Variants in PGM5 observed in about 807,000 individuals in gnomAD.
The protein encoded by PGM5 is phosphoglucomutase 5, also known as phosphoglucomutase-like protein 5.
In PGM5, 23 loss-of-function variants were observed where a neutral mutation model predicts 59.2. The ratio of observed to expected loss-of-function variants is 0.39; its 90% CI spans 0.28 to 0.55. The LOEUF is 0.55. PGM5 is among the 20% of genes least tolerant of loss of function. PGM5 has a pLI of 0.66. For synonymous variants in PGM5, 214 were observed against 286.0 expected (o/e 0.75, Z 2.54); for missense variants, 574 against 748.3 (o/e 0.77, Z 2.72).
chr9:68,374,108 C>T (rs1215380577), intron 1 of PGM5, among the ~76,000 whole-genome samples: 2 of 152,294 alleles, frequency 1.3e-5, no homozygotes, highest in East Asian at 1.9e-4. Context: ...TATGGAAGGG[C>T]TTCCTAAGTT....
chr9:68,486,580 G>A (rs1824300097), intron 9 of PGM5, among the ~76,000 whole-genome samples: 1 of 152,098 alleles, frequency 6.6e-6, no homozygotes, highest in Non-Finnish European at 1.5e-5. Flanking sequence ...AATATTTTCA[G>A]GGTTCATCCA....
At chr9:68,488,079 TA>T (rs35049054) in intron 9 of PGM5, among the ~76,000 whole-genome samples, 1 of 152,158 alleles carries the variant, frequency 6.6e-6, no homozygotes, top group Admixed American at 6.6e-5. Context: ...ATTTATGTTT[TA>T]AAAAAAGCAT....
chr9:68,405,218 G>A (rs1264429012), intron 6 of PGM5: 2 of 152,248 alleles, frequency 1.3e-5, no homozygotes, highest in East Asian at 3.8e-4. Context: ...AGATGGGATA[G>A]ACTGACAGTC....
intron 10 of PGM5, among the ~76,000 whole-genome samples, chr9:68,521,931 G>A (rs534907327): frequency 6.6e-6 from 1 of 152,158 alleles, no homozygotes; most frequent in East Asian, 1.9e-4. Flanking sequence ...ATCCACACAG[G>A]GCATGGAGCC....
chr9:68,466,155 G>C (rs1554685793), intron 7 of PGM5: 1 of 1,297,870 alleles, frequency 7.7e-7, no homozygotes, highest in East Asian at 5.6e-5. Flanking sequence ...TTCTTCTTGT[G>C]TTTCAGTTTA....
At chr9:68,407,534 C>A (rs1215954322) in intron 6 of PGM5, among the ~76,000 whole-genome samples, 1 of 152,080 alleles carries the variant, frequency 6.6e-6, no homozygotes, top group African/African-American at 2.4e-5. Context: ...CATATAGGAC[C>A]CTAGAAGTCC....
intron 7 of PGM5, among the ~76,000 whole-genome samples, chr9:68,476,952 G>A (rs953229478): frequency 3.3e-5 from 5 of 152,182 alleles, no homozygotes; most frequent in African/African-American, 1.2e-4. Flanking sequence ...TAGAACAAAA[G>A]GGTATTTTTC....
chr9:68,511,538 T>G (rs1324872654), intron 10 of PGM5, among the ~76,000 whole-genome samples: 11 of 127,356 alleles, frequency 8.6e-5, no homozygotes, highest in African/African-American at 3.0e-4. Flanking sequence ...AATGTTATTG[T>G]TTTTGCCTTT....
At chr9:68,380,951 A>G (rs1822057082) in intron 2 of PGM5, among the ~76,000 whole-genome samples, 1 of 151,958 alleles carries the variant, frequency 6.6e-6, no homozygotes. Context: ...AAAACTTTCC[A>G]AAATAGAAAA....
intron 6 of PGM5, among the ~76,000 whole-genome samples, chr9:68,435,970 T>C (rs1459570252): frequency 6.6e-6 from 1 of 152,228 alleles, no homozygotes; most frequent in Non-Finnish European, 1.5e-5. Flanking sequence ...TAACATGCAT[T>C]GCACCTACCA....
intron 6 of PGM5, chr9:68,396,385 C>A (rs1213931227): frequency 6.6e-6 from 1 of 152,146 alleles, no homozygotes; most frequent in East Asian, 1.9e-4. Context: ...AGAATATTGT[C>A]CCCTGTGGGC....
chr9:68,449,222 G>T (rs749576146), intron 6 of PGM5, among the ~76,000 whole-genome samples: 1 of 152,082 alleles, frequency 6.6e-6, no homozygotes, highest in Non-Finnish European at 1.5e-5. Context: ...TATCACGTTG[G>T]GGGTTAAGAT....
At chr9:68,515,704 G>A (rs1042055054) in intron 10 of PGM5, among the ~76,000 whole-genome samples, 3 of 152,174 alleles carry the variant, frequency 2.0e-5, no homozygotes, top group Non-Finnish European at 4.4e-5. Context: ...CTCACTCCAA[G>A]AGCTGGGAAC....
At chr9:68,486,889 C>A (rs1824305052) in intron 9 of PGM5, among the ~76,000 whole-genome samples, 1 of 152,302 alleles carries the variant, frequency 6.6e-6, no homozygotes, top group East Asian at 1.9e-4. Context: ...ACATTCCTGC[C>A]AACAGTATAT....
At chr9:68,527,960 T>C (rs544651945) in intron 10 of PGM5, among the ~76,000 whole-genome samples, 125 of 152,330 alleles carry the variant, frequency 8.2e-4, no homozygotes, top group African/African-American at 2.7e-3. Context: ...AGGATTCTTC[T>C]GTATCTACAT....
At chr9:68,392,211 G>C in intron 5 of PGM5, 108 bp from the exon 6 acceptor site, 1 of 1,455,650 alleles carries the variant, frequency 6.9e-7, no homozygotes, top group East Asian at 2.3e-5. Flanking sequence ...CATTCAAGTT[G>C]TTAGATTGTT....
intron 9 of PGM5, among the ~76,000 whole-genome samples, chr9:68,486,166 G>A (rs1455744699): frequency 3.9e-5 from 6 of 152,116 alleles, no homozygotes; most frequent in African/African-American, 1.4e-4. Flanking sequence ...TAACCATTAA[G>A]TACCTTGGTG....
chr9:68,383,926 C>A (rs572672951), intron 2 of PGM5, among the ~76,000 whole-genome samples: 2 of 151,832 alleles, frequency 1.3e-5, no homozygotes, highest in African/African-American at 4.8e-5. Context: ...AATTAACTTA[C>A]CCTGCTAAGC....
Position 68,483,893 on chromosome 9 carries a change from A to T in PGM5, c.1324A>T (p.Thr442Ser), listed in dbSNP as rs551806477. The T allele has an allele frequency of 3.7e-6, 6 of 1,614,112 alleles. No individual in the cohort carries two copies. In the Admixed American group the frequency reaches 5.0e-5, roughly 13 times the overall value. Reference protein sequence around the residue: ...RFDYEGLDPKTTYYIMRDLEA... With the variant: ...RFDYEGLDPKSTYYIMRDLEA... ...TGACTATGAGGGGTTGGATCCCAAGACGACATATTATATCATGAGGGACCT... is the reference window on the plus strand; with the variant it reads ...TGACTATGAGGGGTTGGATCCCAAGTCGACATATTATATCATGAGGGACCT... The change falls in exon 9 of 11, where the codon ACG becomes TCG. Residue 442 changes from threonine (T) to serine (S), a missense_variant. Thr to Ser is a moderately conservative substitution (Grantham distance 58). Around this residue, in one of 7 missense-constraint regions of PGM5, gnomAD observed 300 missense variants for 280.0 expected, o/e 1.07. Transcript: ENST00000396396.
Sources: allele counts gnomAD v4.1 joint callset (sites outside exome capture counted in the v4.1 genomes callset), GRCh38; gene constraint gnomAD v4.1.1; regional missense constraint gnomAD v4.1.1; transcripts MANE v1.5; gene names NCBI Gene and HGNC (gene_info 2026-07-23, HGNC 2026-07-21).